PPP2CA: variants seen among roughly 807,000 people sequenced by gnomAD.
The protein encoded by PPP2CA is serine/threonine-protein phosphatase 2A catalytic subunit alpha isoform.
A neutral mutation model predicts 38.8 loss-of-function variants in PPP2CA; 5 were observed. The ratio of observed to expected loss-of-function variants is 0.13; its 90% CI spans 0.07 to 0.27. The LOEUF (loss-of-function observed/expected upper bound fraction) is 0.27. PPP2CA is among the 10% of genes least tolerant of loss of function. PPP2CA has a pLI of 1.00. For missense variants in PPP2CA, 88 were observed against 389.7 expected (o/e 0.23, Z 6.52); for synonymous variants, 152 against 134.0 (o/e 1.13, Z -0.93).
chr5:134,199,330 T>C, intron 5 of PPP2CA, 126 bp from the exon 6 acceptor site: 2 of 685,496 alleles, frequency 2.9e-6, no homozygotes, highest in Non-Finnish European at 5.1e-6. Context: ...GAAATGTTAA[T>C]GCTTTTTTTC....
At chr5:134,223,601 G>A (rs190261174) in intron 1 of PPP2CA, among the ~76,000 whole-genome samples, 1 of 152,140 alleles carries the variant, frequency 6.6e-6, no homozygotes, top group Non-Finnish European at 1.5e-5. Context: ...GCAAGCAATG[G>A]AGATTTACCT....
intron 2 of PPP2CA, among the ~76,000 whole-genome samples, chr5:134,202,993 T>C (rs1366817335): frequency 6.6e-6 from 1 of 152,234 alleles, no homozygotes; most frequent in East Asian, 1.9e-4. Flanking sequence ...CATCTTTTCA[T>C]GTGCTCACTG....
At chr5:134,206,268 A>G (rs1762080701) in intron 1 of PPP2CA, 137 bp from the exon 2 acceptor site, 1 of 706,196 alleles carries the variant, frequency 1.4e-6, no homozygotes, top group South Asian at 1.9e-5. Flanking sequence ...TGAACCCATT[A>G]AAATAAGTGA....
chr5:134,225,478 C>A (rs1056666979), intron 1 of PPP2CA: 1 of 378,760 alleles, frequency 2.6e-6, no homozygotes, highest in South Asian at 3.2e-5. Context: ...ACAGGGTCTC[C>A]GCTCCCCCTG....
intron 6 of PPP2CA, among the ~76,000 whole-genome samples, chr5:134,198,536 T>A (rs1265857181): frequency 6.6e-6 from 1 of 151,972 alleles, no homozygotes; most frequent in African/African-American, 2.4e-5. Context: ...AACTTAAAAA[T>A]AAAAGTTGGA....
chr5:134,214,621 A>G (rs1762278637), intron 1 of PPP2CA, among the ~76,000 whole-genome samples: 1 of 152,152 alleles, frequency 6.6e-6, no homozygotes, highest in Non-Finnish European at 1.5e-5. Flanking sequence ...TTTTTATTCC[A>G]TGTTTATTTA....
Position 134,225,962 on chromosome 5 carries a change from T to G in PPP2CA, c.-101A>C, listed in dbSNP as rs1762572327. On this transcript the variant is annotated 5_prime_UTR_variant, in exon 1 of 7. Coordinates refer to ENST00000481195, the MANE Select transcript of PPP2CA (RefSeq NM_002715.4). ...CGCCGCCGCCGGTTCCTCGTGTACT[T>G]CTGGCGGCTGTTGAGGCTGGCGCTG... The G allele has an allele frequency of 8.8e-7, 1 of 1,134,348 alleles. No individual in the cohort carries two copies. The highest frequency in any genetic ancestry group is 1.3e-6 in the Non-Finnish European group (1 of 793,296). The allele number at this position is 1,134,348 out of a possible 1,614,324, so 70.3% of individuals were successfully genotyped here. A position where few individuals can be genotyped will look rare whatever the true frequency, so the allele number is the denominator to read the frequency against.
chr5:134,221,855 C>G (rs1332731137), intron 1 of PPP2CA, among the ~76,000 whole-genome samples: 1 of 150,768 alleles, frequency 6.6e-6, no homozygotes, highest in East Asian at 1.9e-4. Flanking sequence ...GTAATCCCAG[C>G]TACTAGGGAG....
chr5:134,225,583 G>A (rs760695385), intron 1 of PPP2CA, 177 bp downstream of exon 1: 2 of 515,490 alleles, frequency 3.9e-6, no homozygotes, highest in South Asian at 2.6e-5. Flanking sequence ...ATCCCTGCGC[G>A]GGAGGCAGGG....
intron 1 of PPP2CA, among the ~76,000 whole-genome samples, chr5:134,211,540 G>A (rs867500305): frequency 3.3e-5 from 5 of 149,670 alleles, no homozygotes; most frequent in African/African-American, 1.2e-4. Context: ...GCAATGGTGC[G>A]ATCTCGGTTC....
rs566078443 is a variant in PPP2CA, at chr5:134,208,607, AGT to A, written c.103-2478_103-2477del. Among the ~76,000 whole-genome samples the A allele has an allele frequency of 4.4e-3, 673 of 152,192 alleles. 4 individuals are homozygous for A. Among genetic ancestry groups the A allele is most frequent in the Admixed American group, 7.6e-3 (116 of 15,272 alleles). ...CTATCGTAAATATAATCGAGTCAAC[AGT>A]GTGTTTTCAGCTTACAATGTTTTCA... On this transcript the variant is annotated intron_variant, in intron 1 of 6. Transcript: ENST00000481195.
At chr5:134,198,999 T>G in intron 6 of PPP2CA, 87 bp downstream of exon 6, 2 of 1,063,408 alleles carry the variant, frequency 1.9e-6, no homozygotes. Context: ...GACTGGGCAA[T>G]ATAGTGACAC....
intron 6 of PPP2CA, among the ~76,000 whole-genome samples, 172 bp downstream of exon 6, chr5:134,198,914 T>A (rs1761916296): frequency 6.6e-6 from 1 of 152,190 alleles, no homozygotes; most frequent in South Asian, 2.1e-4. Context: ...CTGGGCACTG[T>A]ATCTTATACT....
At chr5:134,211,529 T>C (rs1277134864) in intron 1 of PPP2CA, among the ~76,000 whole-genome samples, 1 of 149,552 alleles carries the variant, frequency 6.7e-6, no homozygotes, top group Non-Finnish European at 1.5e-5. Context: ...CGGGCTGGAG[T>C]GCAATGGTGC....
chr5:134,206,356 G>GT (rs955783087), intron 1 of PPP2CA, among the ~76,000 whole-genome samples: 1 of 152,090 alleles, frequency 6.6e-6, no homozygotes, highest in Admixed American at 6.5e-5. Flanking sequence ...AATACCAGGA[G>GT]TTTTTTAAAA....
chr5:134,206,351 CAGG>C (rs1370623059), intron 1 of PPP2CA, among the ~76,000 whole-genome samples: 1 of 152,108 alleles, frequency 6.6e-6, no homozygotes, highest in African/African-American at 2.4e-5. Context: ...TCATCAATAC[CAGG>C]AGTTTTTTAA....
At chr5:134,200,299 A>G (rs954493646) in intron 5 of PPP2CA, 36 bp downstream of exon 5, 1 of 1,557,690 alleles carries the variant, frequency 6.4e-7, no homozygotes. Flanking sequence ...TAAGTTTACT[A>G]AAAAAACAAG....
At chr5:134,200,916 A>C (rs1761955907) in intron 4 of PPP2CA, 69 bp downstream of exon 4, 1 of 1,241,120 alleles carries the variant, frequency 8.1e-7, no homozygotes, top group Admixed American at 1.7e-5. Context: ...ACATCTAATG[A>C]ACTTACAATT....
chr5:134,204,247 C>T (rs1426029557), intron 2 of PPP2CA, among the ~76,000 whole-genome samples: 2 of 152,066 alleles, frequency 1.3e-5, no homozygotes, highest in African/African-American at 2.4e-5. Flanking sequence ...CAGTCTGTTG[C>T]CTAGGGGGGA....
Sources: allele counts gnomAD v4.1 joint callset (sites outside exome capture counted in the v4.1 genomes callset), GRCh38; gene constraint gnomAD v4.1.1; transcripts MANE v1.5; gene names NCBI Gene and HGNC (gene_info 2026-07-23, HGNC 2026-07-21).